The following RACGAP1 variants were observed in gnomAD, a reference collection of about 807,000 sequenced individuals.
RACGAP1 encodes the protein rac GTPase-activating protein 1.
A neutral mutation model predicts 78.1 loss-of-function variants in RACGAP1; 30 were observed. The observed-to-expected ratio is 0.38, with a 90% CI of 0.29 to 0.52. The LOEUF is 0.52. RACGAP1 is among the 20% of genes least tolerant of loss of function. The probability of loss-of-function intolerance (pLI) is 0.82; values close to 1 mark genes in which losing one functional copy is unlikely to be tolerated. For synonymous variants in RACGAP1, 231 were observed against 264.8 expected (o/e 0.87, Z 1.24); for missense variants, 587 against 777.1 (o/e 0.76, Z 2.91).
chr12:50,019,735 G>C (rs1440314538), intron 1 of RACGAP1: 3 of 45,848 alleles, frequency 6.5e-5, no homozygotes, highest in African/African-American at 1.0e-4. Flanking sequence ...AAAAGGTCCT[G>C]GGACAAACCT....
At chr12:50,000,144 GC>G (rs1182671147) in intron 7 of RACGAP1, among the ~76,000 whole-genome samples, 2 of 151,608 alleles carry the variant, frequency 1.3e-5, no homozygotes, top group African/African-American at 2.4e-5. Flanking sequence ...CTCCCGAGTA[GC>G]TGGGACTACA....
At chr12:50,033,418 G>A (rs543014283), upstream of RACGAP1, among the ~76,000 whole-genome samples, 168 of 152,318 alleles carry the variant, frequency 1.1e-3, no homozygotes, top group African/African-American at 3.9e-3. Context: ...GCTGAGCTTT[G>A]AAGGATGAAT....
At chr12:50,013,248 A>C (rs781630589) in intron 2 of RACGAP1, among the ~76,000 whole-genome samples, 27 of 152,160 alleles carry the variant, frequency 1.8e-4, no homozygotes, top group Non-Finnish European at 5.9e-5. Flanking sequence ...TCATTTCCCA[A>C]AGTATTTTCA....
At chr12:50,012,156 G>A (rs1420528015) in intron 2 of RACGAP1, among the ~76,000 whole-genome samples, 1 of 151,962 alleles carries the variant, frequency 6.6e-6, no homozygotes, top group Admixed American at 6.6e-5. Flanking sequence ...GCTGAGCATG[G>A]TGGTTCACAC....
In RACGAP1 at chr12:49,999,742, A is replaced by G. The variant is rs1476247845; in HGVS notation, c.631-9T>C. The G allele has an allele frequency of 1.3e-6, 2 of 1,586,084 alleles. No homozygotes were observed. The highest frequency in any genetic ancestry group is 2.7e-5 in the African/African-American group (2 of 74,520). On this transcript the variant is annotated splice_polypyrimidine_tract_variant and intron_variant, in intron 7 of 16. Transcript: ENST00000312377. Reference sequence around the variant, plus strand: ...ACTATGGATTCATTCCCCTGCAACAAAAGTAGTAATGAGGAAAGACAAACA... The same window carrying G: ...ACTATGGATTCATTCCCCTGCAACAGAAGTAGTAATGAGGAAAGACAAACA...
chr12:50,016,797 A>G, intron 1 of RACGAP1, 78 bp from the exon 2 acceptor site: 1 of 1,479,820 alleles, frequency 6.8e-7, no homozygotes, highest in South Asian at 1.2e-5. Flanking sequence ...TCCAGCCATT[A>G]GTGACCAACA....
At chr12:49,999,357 C>T in intron 8 of RACGAP1, 86 bp from the exon 9 acceptor site, 2 of 1,481,102 alleles carry the variant, frequency 1.4e-6, no homozygotes, top group Non-Finnish European at 1.8e-6. Flanking sequence ...GGGAGATAAA[C>T]AGTAATCTGT....
At chr12:50,017,504 AAC>A (rs1249019609) in intron 1 of RACGAP1, among the ~76,000 whole-genome samples, 6 of 152,330 alleles carry the variant, frequency 3.9e-5, no homozygotes, top group Admixed American at 6.5e-5. Flanking sequence ...CTATAGAAAA[AAC>A]AGTGTCGTTA....
intron 4 of RACGAP1, among the ~76,000 whole-genome samples, chr12:50,004,603 G>A (rs1279471831): frequency 6.6e-6 from 1 of 152,166 alleles, no homozygotes; most frequent in Non-Finnish European, 1.5e-5. Context: ...TTGTATTACA[G>A]GCTACTCCAA....
intron 1 of RACGAP1, 181 bp from the exon 2 acceptor site, chr12:50,016,900 T>C (rs1949714989): frequency 1.5e-6 from 2 of 1,345,832 alleles, no homozygotes; most frequent in African/African-American, 3.0e-5. Context: ...AAACTTGGAA[T>C]GTTTAAGACT....
In RACGAP1 at chr12:50,006,625, A is replaced by G. The variant is rs545960538; in HGVS notation, c.97T>C (p.Leu33=). ...SEGNEVQFIQ[L]AKDFEDFRKK... ...CGGAAATCCTCAAAGTCCTTCGCCA[A>G]CTGGATAAATTCTGAGGAAAGGGGG... The change falls in exon 3 of 17, where the codon TTG becomes CTG. Residue 33 remains leucine (L), a synonymous_variant. Transcript: ENST00000312377. 2 of 1,614,070 alleles carry G rather than the reference A, an allele frequency of 1.2e-6. No individual in the cohort carries two copies. The highest frequency in any genetic ancestry group is 1.1e-5 in the South Asian group (1 of 91,078).
chr12:50,011,091 C>T lies in RACGAP1; in HGVS notation c.86-4455G>A, dbSNP rs1949295156. Reference sequence around the variant, plus strand: ...GAGGCTCACGCCTGTAATGCCAGCACTCTGGTGGGCCAAGGCAGGTGGATC... The same window carrying T: ...GAGGCTCACGCCTGTAATGCCAGCATTCTGGTGGGCCAAGGCAGGTGGATC... On this transcript the variant is annotated intron_variant, in intron 2 of 16. Transcript: ENST00000312377. Among the ~76,000 whole-genome samples the T allele has an allele frequency of 2.0e-5, 3 of 152,118 alleles. No homozygotes were observed. In the South Asian group the frequency reaches 6.2e-4, roughly 31 times the overall value.
At chr12:50,006,314 G>A in intron 3 of RACGAP1, 120 bp downstream of exon 3, 1 of 1,051,814 alleles carries the variant, frequency 9.5e-7, no homozygotes, top group Non-Finnish European at 1.4e-6. Flanking sequence ...TAAAGAACAG[G>A]TCACTTTCAG....
chr12:49,995,637 G>A (rs1003026543), intron 10 of RACGAP1, among the ~76,000 whole-genome samples: 4 of 151,898 alleles, frequency 2.6e-5, no homozygotes, highest in African/African-American at 7.3e-5. Context: ...AAACACAGGC[G>A]CACACCACTA....
At chr12:50,008,801 C>T (rs1172498853) in intron 2 of RACGAP1, among the ~76,000 whole-genome samples, 3 of 152,100 alleles carry the variant, frequency 2.0e-5, no homozygotes, top group Non-Finnish European at 4.4e-5. Context: ...CCGAAAGATA[C>T]TATTTTTATG....
Position 49,992,598 on chromosome 12 carries a change from G to T in RACGAP1, c.1397C>A (p.Pro466His). 1 of 1,614,112 alleles carries T rather than the reference G, an allele frequency of 6.2e-7. No individual in the cohort carries two copies. The highest frequency in any genetic ancestry group is 8.5e-7 in the Non-Finnish European group (1 of 1,180,020). ...AGCTAATGTGTCCCTGTTGGCCTGG[G>T]GCAGTTCACCAACAGCTTGGTACAT... ...AAMYQAVGEL[P>H]QANRDTLAFL... Residue 466 changes from proline to histidine, a missense_variant, in exon 13 of 17, where the codon CCC becomes CAC. Coordinates refer to ENST00000312377, the MANE Select transcript of RACGAP1 (RefSeq NM_001319999.2).
chr12:50,012,459 G>A (rs1026599229), intron 2 of RACGAP1, among the ~76,000 whole-genome samples: 22 of 152,150 alleles, frequency 1.4e-4, no homozygotes, highest in African/African-American at 5.3e-4. Flanking sequence ...TACTCGGGAG[G>A]CTGAGGCAGG....
Position 50,005,296 on chromosome 12 carries a change from T to C in RACGAP1, c.385A>G (p.Asn129Asp), listed in dbSNP as rs756099706. 3.7e-6 allele frequency: 6 copies of C among 1,614,240 alleles called. No homozygotes were observed. The highest frequency in any genetic ancestry group is 5.1e-6 in the Non-Finnish European group (6 of 1,180,034). ...TTGCTGCTGGATGGTTGGCCTCTGTTGAGAAAAGCCAGAGCTGATTTTTGC... is the reference window on the plus strand; with the variant it reads ...TTGCTGCTGGATGGTTGGCCTCTGTCGAGAAAAGCCAGAGCTGATTTTTGC... The part of the protein sequence containing the change: ...EEQKSALAFL[N>D]RGQPSSSNAG... The change falls in exon 4 of 17, where the codon AAC becomes GAC. Residue 129 changes from asparagine to aspartate, a missense_variant. Physicochemically the swap from Asn to Asp is conservative, Grantham distance 23. Transcript: ENST00000312377.
intron 2 of RACGAP1, among the ~76,000 whole-genome samples, chr12:50,011,678 G>A (rs1251150797): frequency 3.3e-5 from 5 of 152,014 alleles, no homozygotes; most frequent in Admixed American, 2.6e-4. Context: ...GGTGTGGGCC[G>A]GGCATGGTGG....
Sources: allele counts gnomAD v4.1 joint callset (sites outside exome capture counted in the v4.1 genomes callset), GRCh38; gene constraint gnomAD v4.1.1; transcripts MANE v1.5; gene names NCBI Gene and HGNC (gene_info 2026-07-23, HGNC 2026-07-21).